Variants in ELFN1 observed in about 807,000 individuals in gnomAD.
ELFN1 encodes the protein protein ELFN1.
ELFN1 carries 6 observed loss-of-function variants against 7.6 expected under a neutral mutation model. That is an observed-to-expected ratio of 0.79 (90% confidence interval 0.43 to 1.56). The LOEUF is 1.56. Ranked by LOEUF, ELFN1 falls within the 40% of genes most tolerant of loss-of-function variation. The pLI, the probability that ELFN1 is intolerant of heterozygous loss-of-function variation, is 0.01. For synonymous variants in ELFN1, 657 were observed against 588.1 expected, an observed-to-expected ratio of 1.12 and a Z score of -1.70; for missense variants, 1,169 against 1,232.2, an observed-to-expected ratio of 0.95 and a Z score of 0.77.
At position 1,705,028 on chromosome 7, in the gene ELFN1, C is replaced by A. The variant is rs574470585; in HGVS notation, c.-455-4063C>A. 3.0e-4 allele frequency among the ~76,000 whole-genome samples: 45 copies of A among 152,260 alleles called. No individual in the cohort carries two copies. Among genetic ancestry groups the A allele is most frequent in the African/African-American group, 1.1e-3 (44 of 41,566 alleles). Reference sequence around the variant, plus strand: ...GCGAGAGGCTCCCAGGCAGAGGGCACAGCAAGTGCAGAGGGCAGAGGTGGA... The same window carrying A: ...GCGAGAGGCTCCCAGGCAGAGGGCAAAGCAAGTGCAGAGGGCAGAGGTGGA... On this transcript the variant is annotated intron_variant, in intron 2 of 3. Coordinates refer to ENST00000424383, the MANE Select transcript of ELFN1 (RefSeq NM_001128636.4). This position sits in a 1 kb window ranked among gnomAD's most constrained non-coding sequence, Gnocchi z 4.3.
chr7:1,712,145 C>T (rs537051695), intron 3 of ELFN1, among the ~76,000 whole-genome samples: 23 of 152,274 alleles, frequency 1.5e-4, no homozygotes, highest in African/African-American at 4.6e-4. Context: ...GTCCCTTTGC[C>T]GGAAACACCC....
chr7:1,712,706 A>G (rs550835786), intron 3 of ELFN1, among the ~76,000 whole-genome samples: 306 of 152,312 alleles, frequency 2.0e-3, no homozygotes, highest in African/African-American at 6.5e-3. Context: ...TGCTGGGATT[A>G]CAGGTGTGAG....
chr7:1,740,404 G>C lies in ELFN1; in HGVS notation c.-293-3900G>C, dbSNP rs1043322852. Among the ~76,000 whole-genome samples the C allele has an allele frequency of 1.3e-5, 2 of 152,236 alleles. No individual in the cohort carries two copies. The highest frequency in any genetic ancestry group is 4.8e-5 in the African/African-American group (2 of 41,458). On this transcript the variant is annotated intron_variant, in intron 3 of 3. Coordinates refer to ENST00000424383, the MANE Select transcript of ELFN1 (RefSeq NM_001128636.4). The surrounding 1 kb of genome is among the most constrained non-coding windows in gnomAD (Gnocchi z 5.0). ...ACAGTAACGCCCATGCGGGGTCTCC[G>C]CACCTGCCCTCCGTGCCAGACAGCA...
chr7:1,668,259 A>T (rs1233385531), upstream of ELFN1, among the ~76,000 whole-genome samples: 1 of 152,170 alleles, frequency 6.6e-6, no homozygotes, highest in Non-Finnish European at 1.5e-5. Flanking sequence ...TTGCACCCCG[A>T]GGAAATGGAC....
At chr7:1,737,025 C>T (rs767469979) in intron 3 of ELFN1, among the ~76,000 whole-genome samples, 2 of 152,138 alleles carry the variant, frequency 1.3e-5, no homozygotes, top group Non-Finnish European at 2.9e-5. Flanking sequence ...CCCCACCTCC[C>T]GCCCAGCATT....
At chr7:1,710,452 C>A (rs1464372199) in intron 3 of ELFN1, among the ~76,000 whole-genome samples, 1 of 152,220 alleles carries the variant, frequency 6.6e-6, no homozygotes, top group Middle Eastern at 3.2e-3. Flanking sequence ...GCCCCCTCAC[C>A]CCTGCCACTA....
At chr7:1,697,231 AGGGGAG>A (rs1250748468) in intron 2 of ELFN1, among the ~76,000 whole-genome samples, 2 of 151,906 alleles carry the variant, frequency 1.3e-5, no homozygotes, top group Non-Finnish European at 2.9e-5. Flanking sequence ...TAGAGGGGAA[AGGGGAG>A]GGTCTCACGC....
chr7:1,681,265 T>G (rs1778970683), intron 1 of ELFN1, among the ~76,000 whole-genome samples: 1 of 152,260 alleles, frequency 6.6e-6, no homozygotes, highest in Non-Finnish European at 1.5e-5. Context: ...AGCATGTGTG[T>G]CCAGCGTGGG....
intron 2 of ELFN1, among the ~76,000 whole-genome samples, chr7:1,701,564 C>T (rs958876613): frequency 6.6e-6 from 1 of 152,070 alleles, no homozygotes; most frequent in Non-Finnish European, 1.5e-5. Flanking sequence ...AATCCCAGCA[C>T]TTTGGGAGGC....
intron 3 of ELFN1, among the ~76,000 whole-genome samples, chr7:1,741,798 A>G (rs1432931840): frequency 6.6e-6 from 1 of 152,106 alleles, no homozygotes; most frequent in Non-Finnish European, 1.5e-5. Flanking sequence ...CCGAGGTGCC[A>G]CCCACACCTG....
At chr7:1,729,504 C>T (rs1367321175) in intron 3 of ELFN1, among the ~76,000 whole-genome samples, 8 of 152,216 alleles carry the variant, frequency 5.3e-5, no homozygotes, top group Admixed American at 2.6e-4. Flanking sequence ...CTGGGAAAGT[C>T]GCTTTTCTCA....
At chr7:1,724,339 C>T (rs1406972726) in intron 3 of ELFN1, among the ~76,000 whole-genome samples, 1 of 152,140 alleles carries the variant, frequency 6.6e-6, no homozygotes, top group Admixed American at 6.5e-5. Context: ...TAAGTCAGCC[C>T]GCGTTGCCTT....
rs1382645459 is a variant in ELFN1 at position 1,746,539 on chromosome 7, GC to G, written c.1948del (p.Arg650AlafsTer34). On this transcript the variant is annotated frameshift_variant, in exon 4 of 4. Coordinates refer to ENST00000424383, the MANE Select transcript of ELFN1 (RefSeq NM_001128636.4). LOFTEE classifies it low-confidence loss of function (END_TRUNC). ...ASTSSSGSVR[S>X]PRAFRAEAVG... is the part of the protein sequence containing the mutation. Reference sequence around the variant, plus strand: ...ACCTCGTCCAGCGGCTCCGTGCGCAGCCCCCGCGCCTTCCGAGCCGAGGCCG... The same window carrying G: ...ACCTCGTCCAGCGGCTCCGTGCGCAGCCCCGCGCCTTCCGAGCCGAGGCCG... The G allele has an allele frequency of 7.2e-7, 1 of 1,384,562 alleles. No homozygotes were observed. Among genetic ancestry groups the G allele is most frequent in the Non-Finnish European group, 9.3e-7 (1 of 1,077,922 alleles). The allele number at this position is 1,384,562 out of a possible 1,614,324, so 85.8% of individuals were successfully genotyped here.
chr7:1,670,828 C>T lies in ELFN1; in HGVS notation c.-549+474C>T, dbSNP rs911243040. ...TCGCCCTCCCTGCTGGGCCGCCCTC[C>T]CCCCGACGCTGCGAGCCTCCTCGCT... is the stretch of plus-strand genomic sequence containing the variant. On this transcript the variant is annotated intron_variant, in intron 1 of 3. Transcript: ENST00000424383. The surrounding 1 kb of genome is among the most constrained non-coding windows in gnomAD (Gnocchi z 6.4). 1.5e-4 allele frequency among the ~76,000 whole-genome samples: 23 copies of T among 151,354 alleles called. No individual in the cohort carries two copies. Among genetic ancestry groups the T allele is most frequent in the Admixed American group, 1.5e-3 (23 of 15,266 alleles).
Position 1,705,276 on chromosome 7 carries a change from G to A in ELFN1, c.-455-3815G>A, listed in dbSNP as rs559797992. On this transcript the variant is annotated intron_variant, in intron 2 of 3. Coordinates refer to ENST00000424383, the MANE Select transcript of ELFN1 (RefSeq NM_001128636.4). This position sits in a 1 kb window ranked among gnomAD's most constrained non-coding sequence, Gnocchi z 4.3. ...AGCAGGCGCCCCTCCTCCCCACCTCGCTAAACAATCATTGCACAAAATATG... is the reference window on the plus strand; with the variant it reads ...AGCAGGCGCCCCTCCTCCCCACCTCACTAAACAATCATTGCACAAAATATG... 6.6e-6 allele frequency among the ~76,000 whole-genome samples: 1 copy of A among 152,302 alleles called. No individual in the cohort carries two copies. The highest frequency in any genetic ancestry group is 2.1e-4 in the South Asian group (1 of 4,826).
chr7:1,695,251 G>C lies in ELFN1; in HGVS notation c.-456+7101G>C, dbSNP rs1056809881. Reference sequence around the variant, plus strand: ...TGCCTGAGAACCCCAGGAAGTAGTAGCGTGCCAGGTGCGTGGCCGGCCTCC... The same window carrying C: ...TGCCTGAGAACCCCAGGAAGTAGTACCGTGCCAGGTGCGTGGCCGGCCTCC... On this transcript the variant is annotated intron_variant, in intron 2 of 3. Transcript: ENST00000424383. The surrounding 1 kb of genome is among the most constrained non-coding windows in gnomAD (Gnocchi z 5.1). Among the ~76,000 whole-genome samples, 5 of 152,208 alleles carry C rather than the reference G, an allele frequency of 3.3e-5. No individual in the cohort carries two copies. Among genetic ancestry groups the C allele is most frequent in the African/African-American group, 9.6e-5 (4 of 41,452 alleles).
chr7:1,709,701 A>C (rs954079778), intron 3 of ELFN1, among the ~76,000 whole-genome samples: 3 of 152,278 alleles, frequency 2.0e-5, no homozygotes, highest in Admixed American at 6.5e-5. Context: ...ATTGACTTGC[A>C]GTATGTATTT....
intron 3 of ELFN1, among the ~76,000 whole-genome samples, chr7:1,724,686 GC>G (rs1780131881): frequency 6.6e-6 from 1 of 152,004 alleles, no homozygotes; most frequent in South Asian, 2.1e-4. Context: ...CCTTGCCAGA[GC>G]CCGGGGCCCC....
In ELFN1 at chr7:1,744,839, C is replaced by G. The variant is rs1045941152; in HGVS notation, c.243C>G (p.Ser81Arg). ...GCAGCGTGCAGTACGCCTCGCTCAG[C>G]CGCTTTGGCAACCTCACGTACCTCA... ...RIRSVQYASL[S>R]RFGNLTYLNL... The change falls in exon 4 of 4, where the codon AGC becomes AGG. Residue 81 changes from serine to arginine, a missense_variant. Transcript: ENST00000424383. 2.5e-6 allele frequency: 4 copies of G among 1,573,982 alleles called. No individual in the cohort carries two copies. The highest frequency in any genetic ancestry group is 1.3e-5 in the African/African-American group (1 of 74,152).
Sources: gnomAD v4.1 joint callset for allele counts (sites outside exome capture counted in the v4.1 genomes callset) on GRCh38, gnomAD v4.1.1 for gene constraint, Gnocchi (gnomAD v3.1) non-coding constraint, MANE v1.5 for transcripts, NCBI Gene and HGNC (gene_info 2026-07-23, HGNC 2026-07-21) for gene names.